The following ZBTB16 variants were observed in gnomAD, a reference collection of about 807,000 sequenced individuals.
ZBTB16 encodes zinc finger and BTB domain containing 16.
Under a neutral mutation model 56.8 loss-of-function variants are expected in ZBTB16, and 8 were observed. The observed-to-expected ratio is 0.14, with a 90% CI of 0.08 to 0.25. The LOEUF (loss-of-function observed/expected upper bound fraction) is 0.25, where lower values mean the gene tolerates loss of function less well. ZBTB16 is among the 10% of genes least tolerant of loss of function. The probability of loss-of-function intolerance (pLI) is 1.00; values close to 1 mark genes in which losing one functional copy is unlikely to be tolerated. For missense variants in ZBTB16, 625 were observed against 903.0 expected (o/e 0.69, Z 3.95); for synonymous variants, 363 against 368.5 (o/e 0.98, Z 0.17).
intron 4 of ZBTB16, chr11:114,209,793 GA>G: frequency 1.0e-6 from 1 of 985,432 alleles, no homozygotes; most frequent in East Asian, 1.1e-4. Context: ...TAAGCTTTAG[GA>G]AAATGGGTTC....
At chr11:114,204,420 G>A (rs1943806511) in intron 4 of ZBTB16, among the ~76,000 whole-genome samples, 1 of 152,162 alleles carries the variant, frequency 6.6e-6, no homozygotes. Flanking sequence ...GATTACAGGT[G>A]TGAGCCACCA....
intron 2 of ZBTB16, among the ~76,000 whole-genome samples, chr11:114,068,450 A>G (rs1939207351): frequency 6.6e-6 from 1 of 152,180 alleles, no homozygotes; most frequent in Non-Finnish European, 1.5e-5. Flanking sequence ...TGCAGCGGAC[A>G]GCAAGATGTA....
chr11:114,193,963 C>G (rs1460134154), intron 4 of ZBTB16, among the ~76,000 whole-genome samples: 1 of 152,234 alleles, frequency 6.6e-6, no homozygotes, highest in African/African-American at 2.4e-5. Flanking sequence ...CTCAAGTGTT[C>G]TTTCTACTAC....
At chr11:114,111,912 C>T (rs765970404) in intron 2 of ZBTB16, among the ~76,000 whole-genome samples, 2 of 152,170 alleles carry the variant, frequency 1.3e-5, no homozygotes, top group Non-Finnish European at 2.9e-5. Context: ...TCCCCTTTTA[C>T]CCCAAGTCTG....
intron 4 of ZBTB16, among the ~76,000 whole-genome samples, chr11:114,212,152 AG>A (rs1450794884): frequency 6.6e-6 from 1 of 150,728 alleles, no homozygotes; most frequent in Non-Finnish European, 1.5e-5. Flanking sequence ...GGGGATGGGG[AG>A]GGGGGAGTGT....
intron 2 of ZBTB16, among the ~76,000 whole-genome samples, chr11:114,117,920 G>A (rs1941223423): frequency 6.6e-6 from 1 of 152,172 alleles, no homozygotes; most frequent in Non-Finnish European, 1.5e-5. Flanking sequence ...CATCTGGAGA[G>A]CAGAGATAGA....
intron 2 of ZBTB16, among the ~76,000 whole-genome samples, chr11:114,079,469 A>G (rs1939686667): frequency 6.6e-6 from 1 of 152,250 alleles, no homozygotes; most frequent in African/African-American, 2.4e-5. Flanking sequence ...CATTGTGAAT[A>G]TAAAAGTTTC....
rs530879996 is a variant in ZBTB16 at position 114,226,638 on chromosome 11, T to C, written c.1454-15529T>C. On this transcript the variant is annotated intron_variant, in intron 4 of 6. Transcript: ENST00000335953. Reference sequence around the variant, plus strand: ...TTTCTCTCCAGACCCTCCTTCAGAGTGCCCAGGGTTGGCGTGTCTGAATGT... The same window carrying C: ...TTTCTCTCCAGACCCTCCTTCAGAGCGCCCAGGGTTGGCGTGTCTGAATGT... Among the ~76,000 whole-genome samples the C allele has an allele frequency of 1.6e-4, 24 of 152,248 alleles. No homozygotes were observed. The East Asian group carries it at 4.3e-3, about 27-fold the overall frequency.
chr11:114,099,414 G>A (rs1442928126), intron 2 of ZBTB16, among the ~76,000 whole-genome samples: 1 of 151,672 alleles, frequency 6.6e-6, no homozygotes, highest in East Asian at 1.9e-4. Flanking sequence ...TTTATAATAA[G>A]GAAGTGTAGG....
chr11:114,160,370 C>G (rs636406), intron 3 of ZBTB16, among the ~76,000 whole-genome samples: 71,301 of 152,056 alleles, frequency 0.47, 19,017 homozygotes, highest in African/African-American at 0.74. Flanking sequence ...TTCTGAAAGG[C>G]AGACGGAGCT....
intron 4 of ZBTB16, among the ~76,000 whole-genome samples, chr11:114,235,693 T>TC (rs10669266): frequency 2.6e-5 from 3 of 114,388 alleles, no homozygotes; most frequent in South Asian, 3.5e-4. Flanking sequence ...TTTCTTTCTT[T>TC]TCTTTCTTTC....
intron 3 of ZBTB16, among the ~76,000 whole-genome samples, chr11:114,180,248 G>A (rs997387090): frequency 6.6e-6 from 1 of 152,218 alleles, no homozygotes; most frequent in African/African-American, 2.4e-5. Flanking sequence ...ACAGGGTGGT[G>A]CTTAGAACAT....
intron 4 of ZBTB16, among the ~76,000 whole-genome samples, chr11:114,238,841 T>G (rs182009840): frequency 5.9e-5 from 9 of 152,308 alleles, no homozygotes; most frequent in Admixed American, 1.3e-4. Flanking sequence ...CTGGCACATG[T>G]GTCCCAACTT....
intron 2 of ZBTB16, among the ~76,000 whole-genome samples, chr11:114,094,198 C>A (rs938483541): frequency 1.4e-5 from 2 of 148,144 alleles, no homozygotes; most frequent in Non-Finnish European, 3.0e-5. Context: ...GCCTGTAGTC[C>A]CAGCTACTCG....
chr11:114,175,596 G>A (rs1943089219), intron 3 of ZBTB16, among the ~76,000 whole-genome samples: 1 of 151,904 alleles, frequency 6.6e-6, no homozygotes, highest in Non-Finnish European at 1.5e-5. Context: ...GCTGGGAGAG[G>A]ACAGGGGATT....
intron 2 of ZBTB16, among the ~76,000 whole-genome samples, chr11:114,108,212 C>T (rs1036242509): frequency 3.3e-5 from 5 of 152,158 alleles, no homozygotes; most frequent in East Asian, 1.9e-4. Flanking sequence ...ACCCCAGGCC[C>T]GGACAAAAGA....
At chr11:114,156,255 C>G (rs1165651778) in intron 2 of ZBTB16, 82 bp from the exon 3 acceptor site, 1 of 1,428,312 alleles carries the variant, frequency 7.0e-7, no homozygotes, top group East Asian at 2.3e-5. Flanking sequence ...AGAGGGATGG[C>G]TGCCAAGCCC....
chr11:114,153,164 A>G (rs1942318041), intron 2 of ZBTB16, among the ~76,000 whole-genome samples: 1 of 152,218 alleles, frequency 6.6e-6, no homozygotes, highest in Admixed American at 6.5e-5. Flanking sequence ...TTTTCTTTGA[A>G]TTAGGAGAAG....
chr11:114,061,358 TG>T (rs1938853364), intron 1 of ZBTB16: 1 of 152,208 alleles, frequency 6.6e-6, no homozygotes, highest in South Asian at 2.1e-4. Context: ...TTCTTTTGGC[TG>T]TTCCCTCCTA....
Sources: gnomAD v4.1 joint callset for allele counts (sites outside exome capture counted in the v4.1 genomes callset) on GRCh38, gnomAD v4.1.1 for gene constraint, MANE v1.5 for transcripts, NCBI Gene and HGNC (gene_info 2026-07-23, HGNC 2026-07-21) for gene names.